Variants in RNLS observed in about 807,000 individuals in gnomAD.
RNLS encodes renalase, FAD dependent amine oxidase.
A neutral mutation model predicts 39.8 loss-of-function variants in RNLS; 39 were observed. That is an observed-to-expected ratio of 0.98 (90% confidence interval 0.76 to 1.28). RNLS has a LOEUF of 1.28. Ranked by LOEUF, RNLS falls within the 50% of genes most tolerant of loss-of-function variation. The pLI, the probability that RNLS is intolerant of heterozygous loss-of-function variation, is 0.00. For missense variants in RNLS, 410 were observed against 413.3 expected, an observed-to-expected ratio of 0.99 and a Z score of 0.07; for synonymous variants, 147 against 150.7, an observed-to-expected ratio of 0.98 and a Z score of 0.18.
At chr10:88,226,019 CAG>C in the RNLS span, among the ~76,000 whole-genome samples, 1 of 151,888 alleles carries the variant, frequency 6.6e-6, no homozygotes, top group African/African-American at 2.4e-5. Flanking sequence ...ATGAAAGAGA[CAG>C]AAAATTTGCT....
chr10:88,237,668 CTT>C, the RNLS span, among the ~76,000 whole-genome samples: 1 of 152,136 alleles, frequency 6.6e-6, no homozygotes, highest in African/African-American at 2.4e-5. Flanking sequence ...GAGAATGATG[CTT>C]TTTGTGTACT....
intron 6 of RNLS, among the ~76,000 whole-genome samples, chr10:88,309,219 C>A (rs1429219291): frequency 6.6e-6 from 1 of 151,964 alleles, no homozygotes; most frequent in Non-Finnish European, 1.5e-5. Flanking sequence ...TACAACAAAC[C>A]CCTATGATAC....
chr10:88,488,571 C>T (rs1019224138), intron 4 of RNLS, among the ~76,000 whole-genome samples: 1 of 142,912 alleles, frequency 7.0e-6, no homozygotes, highest in Non-Finnish European at 1.5e-5. Flanking sequence ...AAAAAAAGAT[C>T]GGAAATTACC....
At chr10:88,228,264 G>T in the RNLS span, among the ~76,000 whole-genome samples, 4 of 152,214 alleles carry the variant, frequency 2.6e-5, no homozygotes, top group African/African-American at 9.6e-5. Flanking sequence ...ACATGCAATG[G>T]CCACAGAAGA....
chr10:88,435,375 C>A (rs1254054228), intron 4 of RNLS, among the ~76,000 whole-genome samples: 2 of 151,360 alleles, frequency 1.3e-5, no homozygotes, highest in Non-Finnish European at 2.9e-5. Flanking sequence ...TCCATACCAC[C>A]CCCACCAAGA....
At chr10:88,494,562 T>A (rs919190353) in intron 4 of RNLS, among the ~76,000 whole-genome samples, 4 of 152,172 alleles carry the variant, frequency 2.6e-5, no homozygotes, top group Admixed American at 2.0e-4. Context: ...TGACTCAAGA[T>A]TATTCAGAAA....
chr10:88,301,518 G>C (rs1274041139), intron 6 of RNLS, among the ~76,000 whole-genome samples: 2 of 152,166 alleles, frequency 1.3e-5, no homozygotes, highest in African/African-American at 4.8e-5. Flanking sequence ...AGATACTCTT[G>C]TGGCCATAAT....
At chr10:88,240,183 A>G in the RNLS span, among the ~76,000 whole-genome samples, 1 of 152,152 alleles carries the variant, frequency 6.6e-6, no homozygotes, top group Non-Finnish European at 1.5e-5. Context: ...TTACAAGGTA[A>G]CCATGTTTTT....
chr10:88,296,456 T>C (rs1844103035), intron 6 of RNLS, among the ~76,000 whole-genome samples: 2 of 152,190 alleles, frequency 1.3e-5, no homozygotes, highest in Non-Finnish European at 1.5e-5. Context: ...CATTTCTTTC[T>C]GGTTCTCATT....
intron 4 of RNLS, among the ~76,000 whole-genome samples, chr10:88,365,097 T>C (rs1399075061): frequency 6.6e-6 from 1 of 152,016 alleles, no homozygotes; most frequent in East Asian, 1.9e-4. Context: ...TTTGAAAAGG[T>C]AATTGATATC....
At chr10:88,190,344 TCTG>T in the RNLS span, among the ~76,000 whole-genome samples, 1 of 152,198 alleles carries the variant, frequency 6.6e-6, no homozygotes, top group African/African-American at 2.4e-5. Context: ...GCTGTTCTCT[TCTG>T]CTGCCTACAC....
At chr10:88,230,920 T>C in the RNLS span, among the ~76,000 whole-genome samples, 3 of 152,218 alleles carry the variant, frequency 2.0e-5, no homozygotes, top group Admixed American at 1.3e-4. Flanking sequence ...TATGATGATA[T>C]AGCCAGTAGG....
At chr10:88,346,316 T>G (rs998696156) in intron 5 of RNLS, among the ~76,000 whole-genome samples, 3 of 152,152 alleles carry the variant, frequency 2.0e-5, no homozygotes, top group African/African-American at 4.8e-5. Context: ...TGTATACTCC[T>G]CAGAGACCAC....
At chr10:88,276,719 A>G (rs912407942) in intron 6 of RNLS, among the ~76,000 whole-genome samples, 3 of 152,138 alleles carry the variant, frequency 2.0e-5, no homozygotes, top group Non-Finnish European at 4.4e-5. Flanking sequence ...GGTACTTACT[A>G]CCTTCTTGCT....
At chr10:88,341,586 A>G (rs981591456) in intron 5 of RNLS, among the ~76,000 whole-genome samples, 1 of 152,152 alleles carries the variant, frequency 6.6e-6, no homozygotes, top group African/African-American at 2.4e-5. Context: ...GAAACGTGCC[A>G]TATAATTATT....
At chr10:88,549,247 A>G (rs1223074600) in intron 4 of RNLS, among the ~76,000 whole-genome samples, 1 of 148,674 alleles carries the variant, frequency 6.7e-6, no homozygotes, top group East Asian at 2.0e-4. Context: ...CATAAAGTAA[A>G]CTACAAAAAG....
At chr10:88,254,472 GAGA>G in the RNLS span, among the ~76,000 whole-genome samples, 1 of 152,210 alleles carries the variant, frequency 6.6e-6, no homozygotes, top group African/African-American at 2.4e-5. Flanking sequence ...GACCTAACAA[GAGA>G]AGAAGCTGAG....
the RNLS span, among the ~76,000 whole-genome samples, chr10:88,178,357 G>A: frequency 3.9e-3 from 592 of 152,266 alleles, 1 homozygote; most frequent in African/African-American, 0.013. Flanking sequence ...GAGTGAGGGC[G>A]ACCAAGTGTG....
chr10:88,385,952 C>A (rs1454746284), intron 4 of RNLS, among the ~76,000 whole-genome samples: 1 of 152,156 alleles, frequency 6.6e-6, no homozygotes, highest in Non-Finnish European at 1.5e-5. Context: ...CACTGCCAGG[C>A]CTGATTTAAT....
Sources: gnomAD v4.1 joint callset for allele counts (sites outside exome capture counted in the v4.1 genomes callset) on GRCh38, gnomAD v4.1.1 for gene constraint, MANE v1.5 for transcripts, NCBI Gene and HGNC (gene_info 2026-07-23, HGNC 2026-07-21) for gene names.